Variants in MGAT4C observed in about 807,000 individuals in gnomAD.
MGAT4C encodes alpha-1,3-mannosyl-glycoprotein 4-beta-N-acetylglucosaminyltransferase C.
In MGAT4C, 19 loss-of-function variants were observed where a neutral mutation model predicts 40.1. The observed-to-expected ratio is 0.47, with a 90% CI of 0.33 to 0.70. MGAT4C has a LOEUF of 0.70. Among genes scored for constraint, MGAT4C ranks in the 30% least tolerant of loss-of-function variants. MGAT4C has a pLI of 0.02. For missense variants in MGAT4C, 491 were observed against 563.2 expected, an observed-to-expected ratio of 0.87 and a Z score of 1.30; for synonymous variants, 181 against 187.1, an observed-to-expected ratio of 0.97 and a Z score of 0.27.
At chr12:86,700,891 G>C (rs961019048) in intron 2 of MGAT4C, among the ~76,000 whole-genome samples, 1 of 152,036 alleles carries the variant, frequency 6.6e-6, no homozygotes, top group African/African-American at 2.4e-5. Flanking sequence ...AAGCTTTATT[G>C]ATAGTAGAGA....
chr12:86,837,145 C>T (rs1253650711), intron 1 of MGAT4C, among the ~76,000 whole-genome samples: 1 of 151,932 alleles, frequency 6.6e-6, no homozygotes, highest in Non-Finnish European at 1.5e-5. Flanking sequence ...TTTTTTAATG[C>T]TTTAAAGTGA....
At chr12:86,423,177 T>G (rs1016907766) in intron 3 of MGAT4C, among the ~76,000 whole-genome samples, 7 of 152,158 alleles carry the variant, frequency 4.6e-5, no homozygotes, top group African/African-American at 1.7e-4. Flanking sequence ...AGTTAATGAA[T>G]GTTTTAAGAC....
chr12:86,364,809 G>A (rs922204302), intron 3 of MGAT4C, among the ~76,000 whole-genome samples: 1 of 152,128 alleles, frequency 6.6e-6, no homozygotes, highest in African/African-American at 2.4e-5. Context: ...TGTATGAATA[G>A]GGTGTGGGTC....
chr12:86,180,251 G>A (rs895105760), intron 1 of MGAT4C, among the ~76,000 whole-genome samples: 2 of 152,238 alleles, frequency 1.3e-5, no homozygotes, highest in African/African-American at 4.8e-5. Flanking sequence ...GATTTCAGAA[G>A]ATGTATGGAA....
intron 3 of MGAT4C, among the ~76,000 whole-genome samples, chr12:86,425,988 C>A (rs1000180353): frequency 1.3e-5 from 2 of 151,868 alleles, no homozygotes; most frequent in Non-Finnish European, 2.9e-5. Context: ...TATTTTATCT[C>A]AATAAAATAA....
At chr12:86,152,471 C>A (rs1223934985) in intron 1 of MGAT4C, among the ~76,000 whole-genome samples, 1 of 152,128 alleles carries the variant, frequency 6.6e-6, no homozygotes, top group African/African-American at 2.4e-5. Flanking sequence ...GAGGATTCTG[C>A]CCTCATGACT....
chr12:86,293,990 T>A (rs2136131264), intron 4 of MGAT4C, among the ~76,000 whole-genome samples: 1 of 152,312 alleles, frequency 6.6e-6, no homozygotes, highest in South Asian at 2.1e-4. Flanking sequence ...TCTTCTTTGA[T>A]TCTTTTGCTC....
At chr12:86,207,499 T>C (rs1014699876) in intron 1 of MGAT4C, among the ~76,000 whole-genome samples, 1 of 152,134 alleles carries the variant, frequency 6.6e-6, no homozygotes, top group Non-Finnish European at 1.5e-5. Flanking sequence ...GTCCATGTGT[T>C]CTACACTATG....
intron 1 of MGAT4C, among the ~76,000 whole-genome samples, chr12:86,086,236 G>C (rs910689076): frequency 2.6e-5 from 4 of 152,034 alleles, no homozygotes; most frequent in Admixed American, 1.3e-4. Context: ...CATGTCTTTT[G>C]CAAGGACATG....
intron 2 of MGAT4C, among the ~76,000 whole-genome samples, chr12:86,545,058 C>T (rs575491228): frequency 2.8e-4 from 42 of 152,114 alleles, no homozygotes; most frequent in Admixed American, 2.7e-3. Flanking sequence ...CAGAAACATT[C>T]ATAAATATTT....
chr12:86,153,379 A>C (rs2135775953), intron 1 of MGAT4C, among the ~76,000 whole-genome samples: 1 of 152,362 alleles, frequency 6.6e-6, no homozygotes, highest in South Asian at 2.1e-4. Flanking sequence ...ATAACCCTAA[A>C]AACCCCAAAA....
chr12:86,337,468 A>C lies in MGAT4C; in HGVS notation c.-119-3341T>G, dbSNP rs141678691. On this transcript the variant is annotated intron_variant, in intron 3 of 7. Transcript: ENST00000548651. ...AAAATTAGCCAGTTGTGATAGTCCC[A>C]GCTACTTGAGAGGCTAAGGCAGGAG... Among the ~76,000 whole-genome samples, 38 of 151,856 alleles carry C rather than the reference A, an allele frequency of 2.5e-4. No individual in the cohort carries two copies. In the East Asian group the frequency reaches 6.8e-3, roughly 27 times the overall value.
intron 1 of MGAT4C, among the ~76,000 whole-genome samples, chr12:86,173,222 A>G (rs913720640): frequency 6.6e-6 from 1 of 152,118 alleles, no homozygotes; most frequent in African/African-American, 2.4e-5. Context: ...TTTCATTACT[A>G]AGAACACTTA....
chr12:86,342,508 C>T (rs61950713), intron 3 of MGAT4C, among the ~76,000 whole-genome samples: 12,884 of 152,178 alleles, frequency 0.085, 760 homozygotes, highest in Middle Eastern at 0.22. Flanking sequence ...GTGCCTCATC[C>T]ACACCTCCAT....
chr12:86,643,609 G>A (rs1565900934), intron 2 of MGAT4C, among the ~76,000 whole-genome samples: 1 of 151,758 alleles, frequency 6.6e-6, no homozygotes, highest in Non-Finnish European at 1.5e-5. Flanking sequence ...ATCATTTTAT[G>A]ATTATATTTT....
At chr12:86,359,088 C>A (rs557196735) in intron 3 of MGAT4C, among the ~76,000 whole-genome samples, 14 of 152,298 alleles carry the variant, frequency 9.2e-5, no homozygotes, top group African/African-American at 3.1e-4. Flanking sequence ...GAAAACACTC[C>A]TCAGTAAATG....
intron 2 of MGAT4C, among the ~76,000 whole-genome samples, chr12:86,686,540 A>T (rs1326809367): frequency 6.6e-6 from 1 of 152,186 alleles, no homozygotes; most frequent in Non-Finnish European, 1.5e-5. Flanking sequence ...TGTTTTTAGC[A>T]TGAAGTGTTG....
At chr12:86,670,543 T>TA (rs370226766) in intron 2 of MGAT4C, among the ~76,000 whole-genome samples, 8 of 151,622 alleles carry the variant, frequency 5.3e-5, no homozygotes, top group African/African-American at 1.7e-4. Flanking sequence ...AAAAAAGAAT[T>TA]AAAAAAAATG....
chr12:85,961,251 C>G lies in MGAT4C; in HGVS notation c.*18038G>C, dbSNP rs1322611771. 1 of 151,826 alleles carries G rather than the reference C, an allele frequency of 6.6e-6. No individual in the cohort carries two copies. Among genetic ancestry groups the G allele is most frequent in the Non-Finnish European group, 1.5e-5 (1 of 67,808 alleles). 9.4% of individuals were successfully genotyped at this position (151,826 alleles called of 1,614,324 possible). ...GGCATTGTTTAGCAGCCTCGAAACACTGAACTTTTTACAGTCTTATTGGAG... is the reference window on the plus strand; with the variant it reads ...GGCATTGTTTAGCAGCCTCGAAACAGTGAACTTTTTACAGTCTTATTGGAG... On this transcript the variant is annotated 3_prime_UTR_variant, in exon 5 of 5. Coordinates refer to ENST00000611864, the MANE Select transcript of MGAT4C (RefSeq NM_001351288.2).
Sources: gnomAD v4.1 joint callset for allele counts (sites outside exome capture counted in the v4.1 genomes callset) on GRCh38, gnomAD v4.1.1 for gene constraint, MANE v1.5 for transcripts, NCBI Gene and HGNC (gene_info 2026-07-23, HGNC 2026-07-21) for gene names.